Variants in CSMD1 observed in about 807,000 individuals in gnomAD.
The protein encoded by CSMD1 is CUB and Sushi multiple domains 1, also known as CUB and sushi domain-containing protein 1.
Under a neutral mutation model 417.5 loss-of-function variants are expected in CSMD1, and 213 were observed. The ratio of observed to expected loss-of-function variants is 0.51; its 90% CI spans 0.46 to 0.57. The LOEUF is 0.57. Ranked by LOEUF, CSMD1 falls within the 20% of genes least tolerant of loss-of-function variation. The pLI, the probability that CSMD1 is intolerant of heterozygous loss-of-function variation, is 0.00. For missense variants in CSMD1, 6,923 were observed against 4,529.7 expected, an observed-to-expected ratio of 1.53 and a Z score of -15.17; for synonymous variants, 2,862 against 1,736.8, an observed-to-expected ratio of 1.65 and a Z score of -16.11.
rs548604686 is a variant in CSMD1 at position 3,211,193 on chromosome 8, C to A, written c.4867+3304G>T. On this transcript the variant is annotated intron_variant, in intron 30 of 69. Coordinates refer to ENST00000635120, the MANE Select transcript of CSMD1 (RefSeq NM_033225.6). ...CCGAGTAGCTGGGACCCCAGGTGTGCACCACCCCACACAGCTAATTTTAAT... is the reference window on the plus strand; with the variant it reads ...CCGAGTAGCTGGGACCCCAGGTGTGAACCACCCCACACAGCTAATTTTAAT... 5.3e-5 allele frequency among the ~76,000 whole-genome samples: 8 copies of A among 152,184 alleles called. No individual in the cohort carries two copies. The South Asian group carries it at 1.7e-3, about 32-fold the overall frequency.
At chr8:4,256,777 T>A (rs1048589504) in intron 3 of CSMD1, among the ~76,000 whole-genome samples, 1 of 152,138 alleles carries the variant, frequency 6.6e-6, no homozygotes, top group Non-Finnish European at 1.5e-5. Flanking sequence ...CTCAAGCAGC[T>A]TGCAACAGGG....
chr8:3,781,321 C>T (rs1799169268), intron 5 of CSMD1, among the ~76,000 whole-genome samples: 1 of 152,038 alleles, frequency 6.6e-6, no homozygotes, highest in Non-Finnish European at 1.5e-5. Flanking sequence ...TGTCTTTGTT[C>T]TTTTCATTCT....
At chr8:4,009,036 T>A (rs1373894243) in intron 4 of CSMD1, among the ~76,000 whole-genome samples, 2 of 152,196 alleles carry the variant, frequency 1.3e-5, no homozygotes, top group Non-Finnish European at 2.9e-5. Context: ...TAATTATTTT[T>A]AAAAATATTT....
intron 2 of CSMD1, among the ~76,000 whole-genome samples, chr8:4,514,621 T>A (rs1803016723): frequency 6.6e-6 from 1 of 152,160 alleles, no homozygotes; most frequent in Non-Finnish European, 1.5e-5. Flanking sequence ...GTTTTTAAAG[T>A]TTTTATAAAA....
intron 4 of CSMD1, among the ~76,000 whole-genome samples, chr8:4,006,912 C>G (rs916504112): frequency 1.4e-5 from 2 of 145,936 alleles, no homozygotes; most frequent in African/African-American, 5.1e-5. Context: ...ACTGCAAGCT[C>G]CGCCTCCTGG....
At chr8:4,513,060 C>A (rs192511224) in intron 2 of CSMD1, among the ~76,000 whole-genome samples, 5 of 152,284 alleles carry the variant, frequency 3.3e-5, no homozygotes, top group African/African-American at 1.2e-4. Context: ...CTGTATGATA[C>A]TATAAGGATG....
chr8:3,897,524 C>T lies in CSMD1; in HGVS notation c.818+100379G>A, dbSNP rs1034132306. ...TGCATAAACTTGGAATGCTTAAAGC[C>T]TGTGTACACTATAAGTTATATAAAT... On this transcript the variant is annotated intron_variant, in intron 5 of 69. Coordinates refer to ENST00000635120, the MANE Select transcript of CSMD1 (RefSeq NM_033225.6). Among the ~76,000 whole-genome samples the T allele has an allele frequency of 2.6e-5, 4 of 151,912 alleles. No individual in the cohort carries two copies. In the East Asian group the frequency reaches 5.8e-4, roughly 22 times the overall value.
chr8:3,321,125 C>T (rs1249165440), intron 23 of CSMD1, among the ~76,000 whole-genome samples: 1 of 152,094 alleles, frequency 6.6e-6, no homozygotes, highest in African/African-American at 2.4e-5. Flanking sequence ...CGAAGGCGTG[C>T]AAAGCCCCCT....
In CSMD1 at chr8:3,753,934, G is replaced by T; in HGVS notation, c.927C>A (p.Phe309Leu). Residue 309 changes from phenylalanine to leucine, a missense_variant, in exon 6 of 70, where the codon TTC becomes TTA. Transcript: ENST00000635120. The stretch of plus-strand genomic sequence containing the variant: ...TATAAGATGGAGCATCCTTACCTTG[G>T]AACTGAGCGTTAAATCCTTTGCGTC... ...NHRRKGFNAQ[F>L]QVKKAIELKS... is the part of the protein sequence containing the mutation. 2 of 1,605,854 alleles carry T rather than the reference G, an allele frequency of 1.2e-6. No homozygotes were observed. Among genetic ancestry groups the T allele is most frequent in the South Asian group, 2.2e-5 (2 of 90,834 alleles).
intron 1 of CSMD1, among the ~76,000 whole-genome samples, chr8:4,709,992 G>C (rs1808188157): frequency 1.3e-5 from 2 of 152,166 alleles, no homozygotes; most frequent in African/African-American, 4.8e-5. Context: ...ATAAAAACTG[G>C]GTAATTAAAT....
intron 10 of CSMD1, among the ~76,000 whole-genome samples, chr8:3,572,644 T>C (rs990172933): frequency 3.3e-5 from 5 of 152,230 alleles, no homozygotes; most frequent in Non-Finnish European, 1.5e-5. Flanking sequence ...GAGTTCCTTC[T>C]GCCTCTCAAA....
chr8:4,331,944 G>A (rs1332343600), intron 3 of CSMD1, among the ~76,000 whole-genome samples: 1 of 152,066 alleles, frequency 6.6e-6, no homozygotes, highest in Admixed American at 6.6e-5. Context: ...CCATGACCAT[G>A]GCATTGGAAT....
At chr8:4,967,186 T>A (rs1809925470) in intron 1 of CSMD1, among the ~76,000 whole-genome samples, 1 of 152,194 alleles carries the variant, frequency 6.6e-6, no homozygotes, top group African/African-American at 2.4e-5. Context: ...TATGAGCTGT[T>A]ACTTCTCATT....
chr8:3,730,414 G>GGATAGAGCAAACCTCTAGGTT (rs1802777647), intron 6 of CSMD1, among the ~76,000 whole-genome samples: 1 of 147,300 alleles, frequency 6.8e-6, no homozygotes, highest in African/African-American at 2.5e-5. Flanking sequence ...CACTGAGCTG[G>GGATAGAGCAAACCTCTAGGTT]GATAGAGCAA....
chr8:4,031,351 G>T (rs1373832925), intron 4 of CSMD1, among the ~76,000 whole-genome samples: 2 of 152,210 alleles, frequency 1.3e-5, no homozygotes, highest in Non-Finnish European at 2.9e-5. Flanking sequence ...AGGCAAGGAG[G>T]AGCACATCAC....
chr8:2,965,990 T>C, intron 58 of CSMD1, 36 bp from the exon 59 acceptor site: 1 of 1,534,542 alleles, frequency 6.5e-7, no homozygotes, highest in Non-Finnish European at 8.9e-7. Flanking sequence ...TCAGAGAAAT[T>C]CATTTACCAT....
chr8:4,535,929 G>C (rs974658629), intron 2 of CSMD1, among the ~76,000 whole-genome samples: 4 of 152,078 alleles, frequency 2.6e-5, no homozygotes, highest in South Asian at 2.1e-4. Context: ...TTTATAATAA[G>C]AATTGAGAAA....
chr8:3,869,200 G>A (rs1382208749), intron 5 of CSMD1, among the ~76,000 whole-genome samples: 1 of 152,064 alleles, frequency 6.6e-6, no homozygotes, highest in Non-Finnish European at 1.5e-5. Flanking sequence ...TCTGCACTAG[G>A]CCCTCCACCT....
At chr8:3,969,132 T>C (rs558991681) in intron 5 of CSMD1, among the ~76,000 whole-genome samples, 9 of 152,092 alleles carry the variant, frequency 5.9e-5, no homozygotes, top group East Asian at 1.9e-4. Context: ...ATGCCTGTAA[T>C]GTTACTACTC....
Sources: gnomAD v4.1 joint callset for allele counts (sites outside exome capture counted in the v4.1 genomes callset) on GRCh38, gnomAD v4.1.1 for gene constraint, MANE v1.5 for transcripts, NCBI Gene and HGNC (gene_info 2026-07-23, HGNC 2026-07-21) for gene names.